Variants in RALGPS2 observed in about 807,000 individuals in gnomAD.
RALGPS2 encodes the protein Ral GEF with PH domain and SH3 binding motif 2, also known as ras-specific guanine nucleotide-releasing factor RalGPS2.
In RALGPS2, 43 loss-of-function variants were observed where a neutral mutation model predicts 86.8. That is an observed-to-expected ratio of 0.50 (90% CI 0.39 to 0.64). The LOEUF is 0.64. RALGPS2 is among the 30% of genes least tolerant of loss of function. The pLI is 0.00. For missense variants in RALGPS2, 536 were observed against 694.6 expected (o/e 0.77, Z 2.57); for synonymous variants, 243 against 231.3 (o/e 1.05, Z -0.46).
At position 178,800,928 on chromosome 1, in the gene RALGPS2, CT is replaced by C. The variant is rs200726651; in HGVS notation, c.214-7102del. On this transcript the variant is annotated intron_variant, in intron 4 of 19. Transcript: ENST00000367635. ...AAACCTATGTAAACATATTCCCAAT[CT>C]TTTTTTTTTTTTTTGAGACAGAAGT... Among the ~76,000 whole-genome samples, 717 of 142,306 alleles carry C rather than the reference CT, an allele frequency of 5.0e-3. 3 individuals are homozygous for C. Among genetic ancestry groups the C allele is most frequent in the South Asian group, 0.031 (140 of 4,448 alleles). The allele number at this position is 142,306 out of a possible 152,430, so 93.4% of individuals were successfully genotyped here. A position where few individuals can be genotyped will look rare whatever the true frequency, so the allele number is the denominator to read the frequency against.
chr1:178,784,879 A>G (rs1653574393), intron 3 of RALGPS2, among the ~76,000 whole-genome samples: 1 of 152,080 alleles, frequency 6.6e-6, no homozygotes, highest in East Asian at 1.9e-4. Context: ...TAAAAAATTG[A>G]AAAATGAAAT....
intron 1 of RALGPS2, among the ~76,000 whole-genome samples, chr1:178,742,149 A>AAAAG (rs1558097376): frequency 1.3e-5 from 2 of 148,824 alleles, no homozygotes; most frequent in African/African-American, 5.1e-5. Context: ...AAAAAAAAAA[A>AAAAG]AAGAAGAAGA....
At chr1:178,819,578 A>C (rs1373519625) in intron 6 of RALGPS2, among the ~76,000 whole-genome samples, 1 of 152,176 alleles carries the variant, frequency 6.6e-6, no homozygotes, top group Non-Finnish European at 1.5e-5. Flanking sequence ...ATGTCCTCCA[A>C]GGGATTGCCA....
intron 1 of RALGPS2, chr1:178,747,690 T>C: frequency 6.8e-7 from 1 of 1,471,232 alleles, no homozygotes; most frequent in Admixed American, 1.7e-5. Flanking sequence ...GATCATCAAG[T>C]ACAGCAGCTG....
At chr1:178,864,880 T>G (rs1658277603) in intron 8 of RALGPS2, 6 of 1,029,152 alleles carry the variant, frequency 5.8e-6, no homozygotes, top group Non-Finnish European at 5.2e-6. Context: ...TAAGCATTTA[T>G]TATGAGCATT....
chr1:178,770,436 CTTTAT>C (rs926241618), intron 1 of RALGPS2, among the ~76,000 whole-genome samples: 2 of 151,848 alleles, frequency 1.3e-5, no homozygotes, highest in Admixed American at 6.6e-5. Flanking sequence ...TTATCATTCA[CTTTAT>C]TTTCTCTGTC....
intron 13 of RALGPS2, among the ~76,000 whole-genome samples, chr1:178,887,061 G>C (rs1659518539): frequency 6.6e-6 from 1 of 152,154 alleles, no homozygotes; most frequent in Non-Finnish European, 1.5e-5. Context: ...ATATTAGAAA[G>C]GGATGTGAGA....
chr1:178,777,819 C>T lies in RALGPS2; in HGVS notation c.57+998C>T, dbSNP rs1436692512. Among the ~76,000 whole-genome samples the T allele has an allele frequency of 1.5e-4, 23 of 150,340 alleles. 1 individual carries two copies. Among genetic ancestry groups the T allele is most frequent in the Admixed American group, 1.5e-3 (23 of 15,114 alleles). ...AGGATTCCCTATTTAATAAATGGTGCTGGGAAAACTGGCTAGCCATATGTA... is the reference window on the plus strand; with the variant it reads ...AGGATTCCCTATTTAATAAATGGTGTTGGGAAAACTGGCTAGCCATATGTA... On this transcript the variant is annotated intron_variant, in intron 2 of 19. Coordinates refer to ENST00000367635, the MANE Select transcript of RALGPS2 (RefSeq NM_152663.5).
At chr1:178,896,824 G>A (rs1186106603) in intron 16 of RALGPS2, among the ~76,000 whole-genome samples, 3 of 149,598 alleles carry the variant, frequency 2.0e-5, no homozygotes, top group East Asian at 3.9e-4. Flanking sequence ...GTATTCCATG[G>A]TGTATATGTG....
At chr1:178,895,038 A>G (rs758348375) in intron 16 of RALGPS2, among the ~76,000 whole-genome samples, 2 of 152,032 alleles carry the variant, frequency 1.3e-5, no homozygotes, top group Non-Finnish European at 2.9e-5. Context: ...TCCAAATATT[A>G]AATGCTTTCC....
chr1:178,829,082 T>C (rs749058482), intron 7 of RALGPS2, among the ~76,000 whole-genome samples: 1 of 152,210 alleles, frequency 6.6e-6, no homozygotes, highest in Non-Finnish European at 1.5e-5. Flanking sequence ...TGGAATACTA[T>C]TCAGCCTTAC....
chr1:178,828,704 T>A (rs1655874369), intron 7 of RALGPS2, among the ~76,000 whole-genome samples: 1 of 152,142 alleles, frequency 6.6e-6, no homozygotes, highest in African/African-American at 2.4e-5. Flanking sequence ...GCAGTGCAAA[T>A]CAAAACCACA....
At chr1:178,838,249 A>G (rs1413597906) in intron 8 of RALGPS2, among the ~76,000 whole-genome samples, 1 of 152,226 alleles carries the variant, frequency 6.6e-6, no homozygotes, top group East Asian at 1.9e-4. Flanking sequence ...CTGACCCCCA[A>G]GTAGCCTAAC....
intron 10 of RALGPS2, 148 bp downstream of exon 10, chr1:178,879,140 A>G (rs1357628721): frequency 2.7e-6 from 3 of 1,116,088 alleles, no homozygotes; most frequent in African/African-American, 1.6e-5. Context: ...AACATGTATT[A>G]CTTCTTAATC....
At chr1:178,789,056 G>A (rs2102139849) in intron 4 of RALGPS2, among the ~76,000 whole-genome samples, 1 of 152,016 alleles carries the variant, frequency 6.6e-6, no homozygotes, top group Middle Eastern at 3.4e-3. Context: ...CCAGGTGCAT[G>A]CCACCACGCC....
intron 1 of RALGPS2, among the ~76,000 whole-genome samples, chr1:178,754,366 A>G (rs1572289317): frequency 6.6e-6 from 1 of 152,172 alleles, no homozygotes; most frequent in Admixed American, 6.6e-5. Context: ...TGGATACCCA[A>G]AACAGTTAAT....
chr1:178,757,019 T>C (rs1409998700), intron 1 of RALGPS2, among the ~76,000 whole-genome samples: 1 of 152,124 alleles, frequency 6.6e-6, no homozygotes, highest in Non-Finnish European at 1.5e-5. Flanking sequence ...TTGGTATTTG[T>C]TTGTTTGTTT....
intron 1 of RALGPS2, among the ~76,000 whole-genome samples, chr1:178,730,591 ATTC>A (rs1299151763): frequency 1.3e-5 from 2 of 151,310 alleles, no homozygotes; most frequent in African/African-American, 2.4e-5. Context: ...AAAAATGAAA[ATTC>A]TTCTTGAACT....
chr1:178,873,719 G>C (rs1288658561), intron 8 of RALGPS2, among the ~76,000 whole-genome samples: 1 of 152,132 alleles, frequency 6.6e-6, no homozygotes, highest in Admixed American at 6.5e-5. Context: ...CAAATAAAAT[G>C]GATGAGTTAC....
Sources: allele counts gnomAD v4.1 joint callset (sites outside exome capture counted in the v4.1 genomes callset), GRCh38; gene constraint gnomAD v4.1.1; transcripts MANE v1.5; gene names NCBI Gene and HGNC (gene_info 2026-07-23, HGNC 2026-07-21).